The following ULK4 variants were observed in gnomAD, a reference collection of about 807,000 sequenced individuals.
ULK4 encodes inactive serine/threonine-protein kinase ULK4.
A neutral mutation model predicts 160.6 loss-of-function variants in ULK4; 133 were observed. The ratio of observed to expected loss-of-function variants is 0.83; its 90% CI spans 0.72 to 0.96. The LOEUF (loss-of-function observed/expected upper bound fraction) is 0.96, where lower values mean the gene tolerates loss of function less well. Among genes scored for constraint, ULK4 ranks in the 40% least tolerant of loss-of-function variants. The pLI, the probability that ULK4 is intolerant of heterozygous loss-of-function variation, is 0.00. For synonymous variants in ULK4, 534 were observed against 539.8 expected (o/e 0.99, Z 0.15); for missense variants, 1,580 against 1,499.5 (o/e 1.05, Z -0.89).
At position 41,722,595 on chromosome 3, in the gene ULK4, C is replaced by T. The variant is rs367624322; in HGVS notation, c.2322-4734G>A. 1.9e-3 allele frequency among the ~76,000 whole-genome samples: 293 copies of T among 152,256 alleles called. 1 individual carries two copies. Among genetic ancestry groups the T allele is most frequent in the African/African-American group, 7.0e-3 (290 of 41,552 alleles). On this transcript the variant is annotated intron_variant, in intron 22 of 36. Transcript: ENST00000301831. ...GCAATAAGCCGAGATGGCACCACTG[C>T]ACTCCAGCCTGGGCAATAAGAGTGA...
intron 17 of ULK4, among the ~76,000 whole-genome samples, chr3:41,837,565 C>CT (rs57798450): frequency 2.2e-3 from 320 of 145,418 alleles, no homozygotes; most frequent in South Asian, 0.015. Flanking sequence ...ATATCAATAA[C>CT]TTTTTTTTTT....
At chr3:41,376,378 G>A (rs55665322) in intron 35 of ULK4, among the ~76,000 whole-genome samples, 32,634 of 149,802 alleles carry the variant, frequency 0.22, 4,490 homozygotes, top group African/African-American at 0.25. Context: ...CAACCCAAAT[G>A]CCCATCAATG....
chr3:41,561,375 T>C (rs1301114958), intron 32 of ULK4, among the ~76,000 whole-genome samples: 1 of 152,218 alleles, frequency 6.6e-6, no homozygotes, highest in African/African-American at 2.4e-5. Context: ...GATGCTAGCA[T>C]CATACAATGA....
intron 30 of ULK4, among the ~76,000 whole-genome samples, chr3:41,638,892 T>A (rs966984627): frequency 2.0e-5 from 3 of 152,226 alleles, no homozygotes; most frequent in Non-Finnish European, 4.4e-5. Context: ...ATATTCACAA[T>A]AATATATTAC....
intron 27 of ULK4, among the ~76,000 whole-genome samples, chr3:41,682,319 G>A (rs946251449): frequency 6.6e-6 from 1 of 152,148 alleles, no homozygotes; most frequent in African/African-American, 2.4e-5. Context: ...GTTCCTAGTT[G>A]TATCAGAGAA....
chr3:41,291,375 A>G (rs2079558678), intron 35 of ULK4, among the ~76,000 whole-genome samples: 1 of 142,436 alleles, frequency 7.0e-6, no homozygotes, highest in African/African-American at 2.7e-5. Context: ...AGTAAAGAAG[A>G]AAGGAAGGAA....
At chr3:41,794,229 T>C (rs2040227978) in intron 20 of ULK4, among the ~76,000 whole-genome samples, 1 of 152,186 alleles carries the variant, frequency 6.6e-6, no homozygotes, top group Non-Finnish European at 1.5e-5. Context: ...CATGTAGAGC[T>C]TGCTCCCTCA....
At chr3:41,900,117 CATT>C (rs1698298251) in intron 13 of ULK4, among the ~76,000 whole-genome samples, 1 of 152,156 alleles carries the variant, frequency 6.6e-6, no homozygotes, top group Admixed American at 6.5e-5. Context: ...AGTAGATACT[CATT>C]ATCCCCTAGC....
intron 30 of ULK4, among the ~76,000 whole-genome samples, chr3:41,649,290 G>A (rs2125736293): frequency 6.6e-6 from 1 of 152,282 alleles, no homozygotes; most frequent in African/African-American, 2.4e-5. Flanking sequence ...TGGGGGAGGT[G>A]TGGCCAAGGA....
intron 17 of ULK4, among the ~76,000 whole-genome samples, chr3:41,870,736 CCAAT>C (rs1303008786): frequency 6.6e-6 from 1 of 152,128 alleles, no homozygotes; most frequent in African/African-American, 2.4e-5. Context: ...AAAAACAGAA[CCAAT>C]CAATCATGAG....
chr3:41,932,241 T>C (rs1325180653), intron 4 of ULK4, among the ~76,000 whole-genome samples: 1 of 152,238 alleles, frequency 6.6e-6, no homozygotes, highest in African/African-American at 2.4e-5. Flanking sequence ...ACACATCATA[T>C]AACCATAGTG....
chr3:41,721,247 C>A (rs1344708585), intron 22 of ULK4, among the ~76,000 whole-genome samples: 1 of 42,650 alleles, frequency 2.3e-5, no homozygotes, highest in African/African-American at 1.0e-4. Flanking sequence ...AGAAATTTTT[C>A]GCTTTGAATT....
chr3:41,759,294 A>G (rs2038910046), intron 21 of ULK4, among the ~76,000 whole-genome samples: 1 of 152,222 alleles, frequency 6.6e-6, no homozygotes, highest in Admixed American at 6.5e-5. Flanking sequence ...AAAAGCTCCT[A>G]TAAGTGAGTT....
At chr3:41,536,410 A>G (rs1795324) in intron 32 of ULK4, among the ~76,000 whole-genome samples, 126,958 of 152,018 alleles carry the variant, frequency 0.84, 53,413 homozygotes, top group Middle Eastern at 0.91. Context: ...CAGTTGACCC[A>G]TGAAAAATGC....
intron 32 of ULK4, among the ~76,000 whole-genome samples, chr3:41,497,882 C>T (rs1649881371): frequency 6.6e-6 from 1 of 151,924 alleles, no homozygotes. Context: ...AACATAGACT[C>T]CATCTCTAAA....
At chr3:41,624,349 G>A (rs932837519) in intron 30 of ULK4, among the ~76,000 whole-genome samples, 4 of 152,136 alleles carry the variant, frequency 2.6e-5, no homozygotes, top group Non-Finnish European at 5.9e-5. Flanking sequence ...TAAATGCCAC[G>A]ACTTCTCCAA....
intron 30 of ULK4, among the ~76,000 whole-genome samples, chr3:41,648,678 C>CT (rs1429674183): frequency 1.3e-5 from 2 of 152,186 alleles, no homozygotes; most frequent in African/African-American, 2.4e-5. Flanking sequence ...TCAATTACCC[C>CT]TCTCCACTTG....
At chr3:41,424,320 A>G (rs563700495) in intron 34 of ULK4, among the ~76,000 whole-genome samples, 15 of 152,180 alleles carry the variant, frequency 9.9e-5, no homozygotes, top group Non-Finnish European at 1.8e-4. Context: ...TTTTAGGATG[A>G]GCAGACTTAG....
intron 31 of ULK4, among the ~76,000 whole-genome samples, chr3:41,576,068 C>T (rs767009195): frequency 6.6e-6 from 1 of 152,214 alleles, no homozygotes; most frequent in Non-Finnish European, 1.5e-5. Flanking sequence ...ACACAACACA[C>T]TATCTGAGCT....
Sources: gnomAD v4.1 joint callset for allele counts (sites outside exome capture counted in the v4.1 genomes callset) on GRCh38, gnomAD v4.1.1 for gene constraint, MANE v1.5 for transcripts, NCBI Gene and HGNC (gene_info 2026-07-23, HGNC 2026-07-21) for gene names.